The following GTF3C5 variants were observed in gnomAD, a reference collection of about 807,000 sequenced individuals.
GTF3C5 encodes the protein general transcription factor 3C polypeptide 5.
A neutral mutation model predicts 61.0 loss-of-function variants in GTF3C5; 47 were observed. That is an observed-to-expected ratio of 0.77 (90% CI 0.61 to 0.98). The LOEUF (loss-of-function observed/expected upper bound fraction) is 0.98. GTF3C5 is among the 50% of genes least tolerant of loss of function. The pLI, the probability that GTF3C5 is intolerant of heterozygous loss-of-function variation, is 0.00. For missense variants in GTF3C5, 659 were observed against 703.3 expected, an observed-to-expected ratio of 0.94 and a Z score of 0.71; for synonymous variants, 295 against 275.4, an observed-to-expected ratio of 1.07 and a Z score of -0.71.
rs774324292 is a variant in GTF3C5, at chr9:133,043,856, A to C, written c.502A>C (p.Ile168Leu). The change falls in exon 3 of 11, where the codon ATC becomes CTC. Residue 168 changes from isoleucine (I) to leucine (L), a missense_variant. Physicochemically the swap from Ile to Leu is conservative, Grantham distance 5 (BLOSUM62 2). Coordinates refer to ENST00000372097, the MANE Select transcript of GTF3C5 (RefSeq NM_012087.4). ...AFFHQELPLYIPPPIFSRLDA... is the reference protein window; with the variant it reads ...AFFHQELPLYLPPPIFSRLDA... ...TTTCCACCAGGAGCTGCCGCTCTAC[A>C]TCCCCCCACCCATCTTCTCCCGGCT... The C allele has an allele frequency of 6.2e-7, 1 of 1,614,014 alleles. No individual in the cohort carries two copies. The highest frequency in any genetic ancestry group is 8.5e-7 in the Non-Finnish European group (1 of 1,179,970).
chr9:133,044,192 T>C (rs1451706229), intron 3 of GTF3C5: 1 of 480,094 alleles, frequency 2.1e-6, no homozygotes, highest in Non-Finnish European at 3.7e-6. Context: ...ACAGTAGTAC[T>C]ACCCAACAGA....
chr9:133,047,858 C>T (rs2119010851), intron 3 of GTF3C5, among the ~76,000 whole-genome samples: 1 of 152,348 alleles, frequency 6.6e-6, no homozygotes, highest in African/African-American at 2.4e-5. Context: ...GGCATAGTGG[C>T]TCATGCCTGT....
chr9:133,031,333 ATTTTTG>A (rs775008956), intron 1 of GTF3C5, among the ~76,000 whole-genome samples, 169 bp downstream of exon 1: 4 of 151,940 alleles, frequency 2.6e-5, no homozygotes, highest in African/African-American at 7.3e-5. Context: ...GAAGGGAAGG[ATTTTTG>A]TTTTTGTTTT....
At chr9:133,053,082 T>G (rs1176146781) in intron 5 of GTF3C5, among the ~76,000 whole-genome samples, 1 of 152,188 alleles carries the variant, frequency 6.6e-6, no homozygotes, top group African/African-American at 2.4e-5. Flanking sequence ...TCAAGTGATC[T>G]GCCTGTCTCG....
chr9:133,031,165 G>A lies in GTF3C5; in HGVS notation c.153+1G>A. 1 of 1,566,902 alleles carries A rather than the reference G, an allele frequency of 6.4e-7. No individual in the cohort carries two copies. The highest frequency in any genetic ancestry group is 1.7e-4 in the Middle Eastern group (1 of 5,950). ...GGGCGGCGAGGAAGGCGTCTCCCGG[G>A]TAAGGGGCTGGGAATCTCGGTGTTG... On this transcript the variant is annotated splice_donor_variant, in intron 1 of 10. Transcript: ENST00000372097. LOFTEE classifies it high-confidence loss of function.
intron 6 of GTF3C5, 66 bp from the exon 7 acceptor site, chr9:133,054,342 G>A: frequency 1.5e-6 from 2 of 1,339,960 alleles, no homozygotes; most frequent in East Asian, 4.6e-5. Context: ...TCTCCAGTGT[G>A]AAGCCAGTGT....
At chr9:133,038,488 TCGCC>T (rs1849942670) in intron 1 of GTF3C5, among the ~76,000 whole-genome samples, 1 of 147,352 alleles carries the variant, frequency 6.8e-6, no homozygotes, top group Non-Finnish European at 1.5e-5. Context: ...TCTGGCTCCG[TCGCC>T]CAGGCTGGAG....
Position 133,031,121 on chromosome 9 carries a change from C to T in GTF3C5, c.110C>T (p.Ala37Val). The stretch of plus-strand genomic sequence containing the variant: ...TACCCGGGAGTGGTGCGTGATGTGG[C>T]TAAGATGCTGCCGACTCTGGGCGGC... ...VEYPGVVRDV[A>V]KMLPTLGGEE... The change falls in exon 1 of 11, where the codon GCT (alanine) becomes GTT (valine). Residue 37 changes from alanine to valine, a missense_variant. Physicochemically the swap from Ala to Val is moderately conservative, Grantham distance 64 (BLOSUM62 0). Coordinates refer to ENST00000372097, the MANE Select transcript of GTF3C5 (RefSeq NM_012087.4). The T allele has an allele frequency of 6.2e-7, 1 of 1,600,388 alleles. No individual in the cohort carries two copies. Among genetic ancestry groups the T allele is most frequent in the Non-Finnish European group, 8.5e-7 (1 of 1,172,736 alleles).
At position 133,057,814 on chromosome 9, in the gene GTF3C5, C is replaced by A; in HGVS notation, c.1394C>A (p.Ala465Asp). 1 of 1,598,236 alleles carries A rather than the reference C, an allele frequency of 6.3e-7. No individual in the cohort carries two copies. The highest frequency in any genetic ancestry group is 1.3e-5 in the African/African-American group (1 of 74,748). Residue 465 changes from alanine to aspartate, a missense_variant and splice_region_variant, in exon 11 of 11, where the codon GCT (alanine) becomes GAT (aspartate). By Grantham distance (126) the Ala-to-Asp change is moderately radical (BLOSUM62 -2). Transcript: ENST00000372097. ...ATGGCCTTGTCTCCTCCGGCCCCAGCTCTCTTTTCCAGCTCAGCCAAGGCT... is the reference window on the plus strand; with the variant it reads ...ATGGCCTTGTCTCCTCCGGCCCCAGATCTCTTTTCCAGCTCAGCCAAGGCT... ...IRQTIRSKRPALFSSSAKADG... is the reference protein window; with the variant it reads ...IRQTIRSKRPDLFSSSAKADG...
intron 3 of GTF3C5, chr9:133,044,136 C>T: frequency 7.6e-5 from 11 of 143,866 alleles, no homozygotes; most frequent in South Asian, 1.9e-4. Flanking sequence ...CAGAGTGAGA[C>T]TTTGTCTCCC....
intron 1 of GTF3C5, among the ~76,000 whole-genome samples, chr9:133,039,989 C>T (rs553439233): frequency 7.2e-5 from 11 of 152,324 alleles, no homozygotes; most frequent in African/African-American, 2.2e-4. Flanking sequence ...TCATTAAGCA[C>T]GGGCTGCCAG....
chr9:133,032,422 G>A (rs1402797513), intron 1 of GTF3C5, among the ~76,000 whole-genome samples: 2 of 152,050 alleles, frequency 1.3e-5, no homozygotes, highest in Non-Finnish European at 2.9e-5. Context: ...TAAACAGAGC[G>A]GGTAACTAAG....
intron 1 of GTF3C5, 36 bp from the exon 2 acceptor site, chr9:133,042,051 C>A: frequency 6.7e-7 from 1 of 1,484,574 alleles, no homozygotes; most frequent in South Asian, 1.1e-5. Context: ...CTTGGCTTGT[C>A]ATTGCTTCAC....
chr9:133,036,157 A>AG (rs1405997923), intron 1 of GTF3C5, among the ~76,000 whole-genome samples: 1 of 152,174 alleles, frequency 6.6e-6, no homozygotes, highest in African/African-American at 2.4e-5. Flanking sequence ...CCTGTTTGAA[A>AG]GGGGTCTCCC....
At chr9:133,046,987 T>C (rs1282698262) in intron 3 of GTF3C5, among the ~76,000 whole-genome samples, 1 of 152,096 alleles carries the variant, frequency 6.6e-6, no homozygotes, top group Non-Finnish European at 1.5e-5. Flanking sequence ...CGGAAAAGCA[T>C]TGCAGAAAGG....
At chr9:133,054,058 C>T in intron 6 of GTF3C5, 116 bp downstream of exon 6, 2 of 744,366 alleles carry the variant, frequency 2.7e-6, no homozygotes, top group Non-Finnish European at 4.4e-6. Flanking sequence ...AAACCTTTTG[C>T]CCCCGTTGCT....
intron 1 of GTF3C5, among the ~76,000 whole-genome samples, chr9:133,037,116 C>A (rs1319584296): frequency 6.6e-6 from 1 of 151,978 alleles, no homozygotes; most frequent in Admixed American, 6.6e-5. Flanking sequence ...GAGAACTGTC[C>A]GTCGATACTG....
chr9:133,035,706 G>T (rs1849843741), intron 1 of GTF3C5, among the ~76,000 whole-genome samples: 2 of 152,178 alleles, frequency 1.3e-5, no homozygotes, highest in South Asian at 4.1e-4. Context: ...TGAGCGTTTT[G>T]AGGAAATGGC....
At chr9:133,034,694 A>G (rs1329782011) in intron 1 of GTF3C5, among the ~76,000 whole-genome samples, 1 of 152,062 alleles carries the variant, frequency 6.6e-6, no homozygotes, top group Non-Finnish European at 1.5e-5. Context: ...CCCTCCTTCC[A>G]GCTTTTGATG....
Sources: gnomAD v4.1 joint callset for allele counts (sites outside exome capture counted in the v4.1 genomes callset) on GRCh38, gnomAD v4.1.1 for gene constraint, MANE v1.5 for transcripts, NCBI Gene and HGNC (gene_info 2026-07-23, HGNC 2026-07-21) for gene names.